Variants in CHIC2 observed in about 807,000 individuals in gnomAD.
CHIC2 encodes the protein cysteine-rich hydrophobic domain-containing protein 2.
In CHIC2, 14 loss-of-function variants were observed where a neutral mutation model predicts 25.9. The ratio of observed to expected loss-of-function variants is 0.54; its 90% CI spans 0.36 to 0.85. The LOEUF is 0.85. CHIC2 is among the 40% of genes least tolerant of loss of function. The probability of loss-of-function intolerance (pLI) is 0.01; values close to 1 mark genes in which losing one functional copy is unlikely to be tolerated. For missense variants in CHIC2, 146 were observed against 202.0 expected, an observed-to-expected ratio of 0.72 and a Z score of 1.68; for synonymous variants, 70 against 72.0, an observed-to-expected ratio of 0.97 and a Z score of 0.14.
At chr4:54,019,869 G>A (rs1394608655) in intron 3 of CHIC2, among the ~76,000 whole-genome samples, 1 of 150,230 alleles carries the variant, frequency 6.7e-6, no homozygotes, top group Admixed American at 6.7e-5. Context: ...CTTGAATTTG[G>A]GCAGCAAATA....
chr4:54,046,547 G>A (rs1716823896), intron 3 of CHIC2, among the ~76,000 whole-genome samples: 1 of 152,192 alleles, frequency 6.6e-6, no homozygotes, highest in Non-Finnish European at 1.5e-5. Context: ...AAGAAATGGG[G>A]AAAGGATTCC....
chr4:54,071,848 T>C, the CHIC2 span, among the ~76,000 whole-genome samples: 4 of 151,762 alleles, frequency 2.6e-5, no homozygotes, highest in Non-Finnish European at 5.9e-5. Flanking sequence ...ATGTATAAAA[T>C]CATATTTTCC....
intron 1 of CHIC2, among the ~76,000 whole-genome samples, chr4:54,053,587 C>T (rs1717076089): frequency 6.6e-6 from 1 of 151,092 alleles, no homozygotes; most frequent in Admixed American, 6.6e-5. Context: ...AAAATTCCTA[C>T]CCTTTGACCC....
intron 3 of CHIC2, among the ~76,000 whole-genome samples, chr4:54,039,457 T>C (rs1416105080): frequency 6.6e-6 from 1 of 152,186 alleles, no homozygotes; most frequent in African/African-American, 2.4e-5. Context: ...AATAAGCACA[T>C]GAAAAGGTGC....
intron 1 of CHIC2, among the ~76,000 whole-genome samples, chr4:54,054,525 A>T (rs1409476370): frequency 6.6e-6 from 1 of 152,260 alleles, no homozygotes; most frequent in Non-Finnish European, 1.5e-5. Context: ...AAACAGAAAT[A>T]TCTTATAATT....
At chr4:54,029,887 C>A (rs1716169983) in intron 3 of CHIC2, among the ~76,000 whole-genome samples, 1 of 152,150 alleles carries the variant, frequency 6.6e-6, no homozygotes, top group Non-Finnish European at 1.5e-5. Context: ...TTCTTTAAGT[C>A]TTACAAAGTT....
At chr4:54,029,125 GA>G (rs371108660) in intron 3 of CHIC2, among the ~76,000 whole-genome samples, 2,905 of 84,532 alleles carry the variant, frequency 0.034, 56 homozygotes, top group Non-Finnish European at 0.045. Context: ...CCATCTCAAA[GA>G]AAAAAAAAAA....
intron 3 of CHIC2, among the ~76,000 whole-genome samples, chr4:54,019,244 C>A (rs939444830): frequency 3.3e-5 from 5 of 150,182 alleles, no homozygotes; most frequent in Non-Finnish European, 3.0e-5. Context: ...CACCAAAAAA[C>A]AAAAAAAAAC....
At chr4:54,042,984 C>T (rs1369265669) in intron 3 of CHIC2, among the ~76,000 whole-genome samples, 2 of 152,116 alleles carry the variant, frequency 1.3e-5, no homozygotes, top group African/African-American at 4.8e-5. Context: ...AATGTAGCCA[C>T]ATAAAACTGT....
chr4:54,041,444 T>C (rs1716575796), intron 3 of CHIC2, among the ~76,000 whole-genome samples: 2 of 152,148 alleles, frequency 1.3e-5, no homozygotes, highest in African/African-American at 4.8e-5. Context: ...AATACATCTT[T>C]TTAACCACTA....
intron 3 of CHIC2, among the ~76,000 whole-genome samples, chr4:54,022,876 T>G (rs746021880): frequency 1.3e-5 from 2 of 152,042 alleles, no homozygotes; most frequent in African/African-American, 4.8e-5. Flanking sequence ...GCCTATAAAC[T>G]CTCCTTACAA....
chr4:54,046,035 G>A (rs1311401486), intron 3 of CHIC2, among the ~76,000 whole-genome samples: 8 of 151,676 alleles, frequency 5.3e-5, no homozygotes, highest in African/African-American at 1.9e-4. Flanking sequence ...AATCATGAGT[G>A]AACTCCCATT....
At chr4:54,088,329 T>C in the CHIC2 span, among the ~76,000 whole-genome samples, 2 of 152,196 alleles carry the variant, frequency 1.3e-5, no homozygotes, top group African/African-American at 4.8e-5. Flanking sequence ...GTCTAATGCA[T>C]GTTGTAACGT....
intron 3 of CHIC2, among the ~76,000 whole-genome samples, chr4:54,047,882 A>T (rs940356732): frequency 7.2e-5 from 11 of 152,118 alleles, no homozygotes; most frequent in East Asian, 5.8e-4. Flanking sequence ...AAATTTTTTT[A>T]AAGTATCATT....
chr4:54,020,887 T>C (rs189429020), intron 3 of CHIC2, among the ~76,000 whole-genome samples: 13 of 152,306 alleles, frequency 8.5e-5, no homozygotes, highest in Admixed American at 7.2e-4. Flanking sequence ...GTCTGATCAC[T>C]GCAGGGACGC....
the CHIC2 span, among the ~76,000 whole-genome samples, chr4:54,090,112 A>T: frequency 3.3e-5 from 5 of 152,300 alleles, 1 homozygote; most frequent in South Asian, 1.0e-3. Context: ...AAATCTTCAG[A>T]CACATCTGGT....
Position 54,009,954 on chromosome 4 carries a change from T to TAAA in CHIC2, c.*138_*140dup, listed in dbSNP as rs34881525. 5.2e-4 allele frequency: 209 copies of TAAA among 400,110 alleles called. No individual in the cohort carries two copies. The highest frequency in any genetic ancestry group is 1.9e-3 in the South Asian group (43 of 23,070). The allele number at this position is 400,110 out of a possible 1,614,324, so 24.8% of individuals were successfully genotyped here. Reference sequence around the variant, plus strand: ...TGCACACTTAGAACATGCGGTTATTTAAAAAAAAAACAAAAACAAAAACAA... The same window carrying TAAA: ...TGCACACTTAGAACATGCGGTTATTTAAAAAAAAAAAAACAAAAACAAAAACAA... On this transcript the variant is annotated 3_prime_UTR_variant, in exon 6 of 6. Transcript: ENST00000263921.
intron 3 of CHIC2, among the ~76,000 whole-genome samples, chr4:54,027,030 T>A (rs1481813768): frequency 6.6e-6 from 1 of 152,106 alleles, no homozygotes; most frequent in Non-Finnish European, 1.5e-5. Flanking sequence ...CCTTGAATAA[T>A]CAACTTACTC....
intron 3 of CHIC2, among the ~76,000 whole-genome samples, chr4:54,045,795 G>C (rs1240206483): frequency 6.6e-6 from 1 of 152,032 alleles, no homozygotes; most frequent in Non-Finnish European, 1.5e-5. Flanking sequence ...GGAAGTTCTG[G>C]CCAGGGCAAT....
Sources: allele counts gnomAD v4.1 joint callset (sites outside exome capture counted in the v4.1 genomes callset), GRCh38; gene constraint gnomAD v4.1.1; transcripts MANE v1.5; gene names NCBI Gene and HGNC (gene_info 2026-07-23, HGNC 2026-07-21).